HELZ: variants seen among roughly 807,000 people sequenced by gnomAD.
HELZ encodes ATP-dependent RNA helicase with zinc finger domain.
A neutral mutation model predicts 218.2 loss-of-function variants in HELZ; 23 were observed. That is an observed-to-expected ratio of 0.11 (90% CI 0.08 to 0.15). The LOEUF is 0.15. Among genes scored for constraint, HELZ ranks in the 10% least tolerant of loss-of-function variants. The probability of loss-of-function intolerance (pLI) is 1.00; values close to 1 mark genes in which losing one functional copy is unlikely to be tolerated. For synonymous variants in HELZ, 814 were observed against 829.4 expected (o/e 0.98, Z 0.32); for missense variants, 1,813 against 2,353.7 (o/e 0.77, Z 4.75).
intron 13 of HELZ, chr17:67,176,592 T>C (rs1379800543): frequency 1.3e-5 from 2 of 152,298 alleles, no homozygotes; most frequent in Non-Finnish European, 2.9e-5. Context: ...TCCCAGCACC[T>C]TGGGAGGCCA....
intron 5 of HELZ, among the ~76,000 whole-genome samples, chr17:67,211,589 G>A (rs1371449378): frequency 6.6e-6 from 1 of 152,126 alleles, no homozygotes; most frequent in Admixed American, 6.6e-5. Context: ...GGCTGGGCAC[G>A]GTGGTTCACG....
intron 23 of HELZ, among the ~76,000 whole-genome samples, chr17:67,135,310 A>G (rs1418641829): frequency 1.3e-5 from 2 of 152,240 alleles, no homozygotes; most frequent in African/African-American, 4.8e-5. Context: ...TTCATCAAAA[A>G]TTAGAACAAT....
upstream of HELZ, chr17:67,245,566 A>G (rs1202453177): frequency 2.1e-6 from 2 of 971,902 alleles, no homozygotes; most frequent in Non-Finnish European, 2.4e-6. Context: ...TCGCGGATTT[A>G]TTTGTGCGCG....
upstream of HELZ, chr17:67,245,943 G>A (rs1305163452): frequency 1.3e-5 from 2 of 152,190 alleles, no homozygotes; most frequent in East Asian, 3.9e-4. Context: ...GGAGCGTCCG[G>A]GCTGCGGACT....
chr17:67,160,799 G>T, intron 16 of HELZ, 98 bp downstream of exon 16: 1 of 818,772 alleles, frequency 1.2e-6, no homozygotes, highest in Non-Finnish European at 1.8e-6. Flanking sequence ...TTTAAGAGCT[G>T]CATGAAAACT....
At chr17:67,190,747 G>A (rs145147535) in intron 9 of HELZ, among the ~76,000 whole-genome samples, 5,868 of 152,238 alleles carry the variant, frequency 0.039, 388 homozygotes, top group African/African-American at 0.13. Flanking sequence ...GTCTCACTCC[G>A]TTGCCCAGGC....
intron 7 of HELZ, among the ~76,000 whole-genome samples, chr17:67,198,554 G>A (rs1003651082): frequency 6.6e-6 from 1 of 152,126 alleles, no homozygotes; most frequent in Non-Finnish European, 1.5e-5. Context: ...CAGGAAAAAT[G>A]GCCAAAGATT....
At chr17:67,244,214 C>A (rs2041404542) in intron 1 of HELZ, among the ~76,000 whole-genome samples, 1 of 152,182 alleles carries the variant, frequency 6.6e-6, no homozygotes, top group Non-Finnish European at 1.5e-5. Flanking sequence ...CTCCTTCCCC[C>A]GCTCCAGGAA....
At chr17:67,150,130 C>CTTTTTTTTTT (rs11408678) in intron 18 of HELZ, 145 bp from the exon 19 acceptor site, 28 of 180,124 alleles carry the variant, frequency 1.6e-4, no homozygotes, top group East Asian at 7.0e-4. Context: ...TATTTTCTTT[C>CTTTTTTTTTT]TTTTTTTTTT....
chr17:67,081,514 C>T lies in HELZ; in HGVS notation c.5495-2928G>A, dbSNP rs189003315. Among the ~76,000 whole-genome samples the T allele has an allele frequency of 4.9e-4, 75 of 152,302 alleles. 1 individual carries two copies. Among genetic ancestry groups the T allele is most frequent in the African/African-American group, 1.8e-3 (74 of 41,576 alleles). ...TTAAGGGTACAGTGTCTAAACTGCACATTTAGCACTTGGTTTTATGTCCTT... is the reference window on the plus strand; with the variant it reads ...TTAAGGGTACAGTGTCTAAACTGCATATTTAGCACTTGGTTTTATGTCCTT... On this transcript the variant is annotated intron_variant, in intron 32 of 32. Coordinates refer to ENST00000358691, the MANE Select transcript of HELZ (RefSeq NM_014877.4).
At chr17:67,189,396 CTAAAAG>C (rs2039836930) in intron 11 of HELZ, among the ~76,000 whole-genome samples, 187 bp downstream of exon 11, 1 of 152,044 alleles carries the variant, frequency 6.6e-6, no homozygotes, top group African/African-American at 2.4e-5. Context: ...AAGATCTCAT[CTAAAAG>C]TATTTTTAAA....
At chr17:67,089,071 T>C (rs2036478704) in intron 31 of HELZ, among the ~76,000 whole-genome samples, 1 of 152,176 alleles carries the variant, frequency 6.6e-6, no homozygotes, top group African/African-American at 2.4e-5. Context: ...CCCGAGTGTT[T>C]AGTCACAATC....
chr17:67,148,110 G>C (rs916411643), intron 20 of HELZ, among the ~76,000 whole-genome samples: 5 of 152,320 alleles, frequency 3.3e-5, no homozygotes, highest in East Asian at 1.9e-4. Context: ...CAGCCGGTCA[G>C]AAGTAAGGCT....
chr17:67,115,014 G>C (rs942713325), intron 27 of HELZ, among the ~76,000 whole-genome samples: 1 of 152,144 alleles, frequency 6.6e-6, no homozygotes, highest in Non-Finnish European at 1.5e-5. Flanking sequence ...TTAACCACTG[G>C]ATAGTTTAAG....
At chr17:67,125,858 G>A (rs966371972) in intron 24 of HELZ, among the ~76,000 whole-genome samples, 1 of 152,162 alleles carries the variant, frequency 6.6e-6, no homozygotes, top group Non-Finnish European at 1.5e-5. Flanking sequence ...TAAGGGAGAC[G>A]CAGCGGAAGA....
intron 20 of HELZ, 22 bp downstream of exon 20, chr17:67,148,547 G>A (rs777129236): frequency 1.7e-5 from 27 of 1,600,132 alleles, no homozygotes; most frequent in South Asian, 5.7e-5. Flanking sequence ...AGTATGACAC[G>A]GAGGGGGCAG....
chr17:67,221,386 T>C (rs1345293654), intron 3 of HELZ, among the ~76,000 whole-genome samples: 4 of 152,104 alleles, frequency 2.6e-5, no homozygotes, highest in Admixed American at 2.6e-4. Context: ...CAACACAAGA[T>C]TCATAAAGTC....
intron 28 of HELZ, among the ~76,000 whole-genome samples, chr17:67,110,741 G>A (rs2143764385): frequency 6.6e-6 from 1 of 152,306 alleles, no homozygotes; most frequent in East Asian, 1.9e-4. Flanking sequence ...CATGTTGTCT[G>A]TAGCTGCTTG....
rs1233422446 is a variant in HELZ, at chr17:67,107,545, G to C, written c.4865C>G (p.Pro1622Arg). 1 of 1,614,040 alleles carries C rather than the reference G, an allele frequency of 6.2e-7. No homozygotes were observed. The highest frequency in any genetic ancestry group is 8.5e-7 in the Non-Finnish European group (1 of 1,180,038). Residue 1622 changes from proline to arginine, a missense_variant, in exon 31 of 33, where the codon CCA (proline) becomes CGA (arginine). By Grantham distance (103) the Pro-to-Arg change is moderately radical. This residue lies in a region of HELZ where 938 missense variants were observed against 1,027.5 expected (regional missense o/e 0.91). Transcript: ENST00000358691. ...SRSPPAVPSP[P>R]SSTDHSSHFS... ...GTGGCTACTGTGGTCTGTACTGGATGGGGGAGATGGGACTGCTGGTGGGCT... is the reference window on the plus strand; with the variant it reads ...GTGGCTACTGTGGTCTGTACTGGATCGGGGAGATGGGACTGCTGGTGGGCT...
Sources: allele counts gnomAD v4.1 joint callset (sites outside exome capture counted in the v4.1 genomes callset), GRCh38; gene constraint gnomAD v4.1.1; regional missense constraint gnomAD v4.1.1; transcripts MANE v1.5; gene names NCBI Gene and HGNC (gene_info 2026-07-23, HGNC 2026-07-21).